Variants in PPM1K observed in about 807,000 individuals in gnomAD.
PPM1K encodes protein phosphatase Mn(2+)-dependent 1K.
PPM1K carries 19 observed loss-of-function variants against 32.6 expected under a neutral mutation model. The observed-to-expected ratio is 0.58, with a 90% CI of 0.41 to 0.86. PPM1K has a LOEUF of 0.86. PPM1K is among the 40% of genes least tolerant of loss of function. PPM1K has a pLI of 0.00. For synonymous variants in PPM1K, 159 were observed against 165.3 expected, an observed-to-expected ratio of 0.96 and a Z score of 0.29; for missense variants, 362 against 461.2, an observed-to-expected ratio of 0.78 and a Z score of 1.97.
intron 1 of PPM1K, chr4:88,279,174 A>G (rs1196750687): frequency 6.6e-6 from 1 of 152,336 alleles, no homozygotes; most frequent in African/African-American, 2.4e-5. Flanking sequence ...AAATATTAAC[A>G]ATAGCAACAA....
At chr4:88,264,592 C>T (rs373075799) in intron 6 of PPM1K, among the ~76,000 whole-genome samples, 1 of 152,188 alleles carries the variant, frequency 6.6e-6, no homozygotes, top group Non-Finnish European at 1.5e-5. Context: ...ACTCTGTAGC[C>T]TCTGTACCTG....
At chr4:88,275,361 T>A in intron 3 of PPM1K, 6 of 976,566 alleles carry the variant, frequency 6.1e-6, no homozygotes, top group Non-Finnish European at 7.3e-6. Context: ...AATGTTTTTG[T>A]GACAAAGGTA....
chr4:88,278,057 T>G lies in PPM1K; in HGVS notation c.440+87A>C. ...CATGCAACCACTCAAGTAACTATGT[T>G]TACGCTGGAAGCCTCAGCCAAAGGG... On this transcript the variant is annotated intron_variant, in intron 2 of 6. Coordinates refer to ENST00000608933, the MANE Select transcript of PPM1K (RefSeq NM_152542.5). This position sits in a 1 kb window ranked among gnomAD's most constrained non-coding sequence, Gnocchi z 4.2. The G allele has an allele frequency of 9.0e-7, 1 of 1,105,460 alleles. No homozygotes were observed. The highest frequency in any genetic ancestry group is 1.3e-6 in the Non-Finnish European group (1 of 765,158). 68.5% of individuals were successfully genotyped at this position (1,105,460 alleles called of 1,614,324 possible).
rs758629517 is a variant in PPM1K, at chr4:88,257,652, T to C, written c.*4943A>G. ...ATGCATGTACTTTATTAGAATGATA[T>C]TTTGAACACTGAGATAATGTGATTT... On this transcript the variant is annotated 3_prime_UTR_variant, in exon 7 of 7. Coordinates refer to ENST00000608933, the MANE Select transcript of PPM1K (RefSeq NM_152542.5). 1 of 152,214 alleles carries C rather than the reference T, an allele frequency of 6.6e-6. No homozygotes were observed. The highest frequency in any genetic ancestry group is 1.5e-5 in the Non-Finnish European group (1 of 68,030). The allele number at this position is 152,214 out of a possible 1,614,324, so 9.4% of individuals were successfully genotyped here.
rs1046594423 is a variant in PPM1K at position 88,262,304 on chromosome 4, C to G, written c.*291G>C. 2.0e-5 allele frequency: 4 copies of G among 202,850 alleles called. No homozygotes were observed. The highest frequency in any genetic ancestry group is 5.9e-5 in the Admixed American group (1 of 17,008). The allele number at this position is 202,850 out of a possible 1,614,324, so 12.6% of individuals were successfully genotyped here. On this transcript the variant is annotated 3_prime_UTR_variant, in exon 7 of 7. Transcript: ENST00000608933. The stretch of plus-strand genomic sequence containing the variant: ...AAGAAACCCATAGCTGCCTAAGAGT[C>G]TTAAAAATTATTAATGTGACACTCT...
In PPM1K at chr4:88,268,336, T is replaced by C; in HGVS notation, c.708-2A>G. 6.2e-7 allele frequency: 1 copy of C among 1,614,192 alleles called. No homozygotes were observed. Among genetic ancestry groups the C allele is most frequent in the Non-Finnish European group, 8.5e-7 (1 of 1,180,022 alleles). On this transcript the variant is annotated splice_acceptor_variant, in intron 4 of 6. Transcript: ENST00000608933. LOFTEE classifies it high-confidence loss of function. ...ACAAAACCACCACATTTCTTGATCC[T>C]GTTAAAAGTTAAATGACAATGGTGT...
chr4:88,269,810 T>C (rs1294162299), intron 3 of PPM1K, among the ~76,000 whole-genome samples: 2 of 152,254 alleles, frequency 1.3e-5, no homozygotes, highest in African/African-American at 4.8e-5. Context: ...GTTACTGGGC[T>C]TGAGGTCACC....
rs547383034 is a variant in PPM1K at position 88,264,201 on chromosome 4, C to T, written c.987+800G>A. Among the ~76,000 whole-genome samples the T allele has an allele frequency of 3.3e-5, 5 of 152,264 alleles. No homozygotes were observed. The South Asian group carries it at 1.0e-3, about 32-fold the overall frequency. On this transcript the variant is annotated intron_variant, in intron 6 of 6. Coordinates refer to ENST00000608933, the MANE Select transcript of PPM1K (RefSeq NM_152542.5). ...ATATATTATAATCATGTTTGCCCAT[C>T]TAAGCAAATAATACTTTTAAAGTAA...
chr4:88,276,509 T>C, intron 3 of PPM1K: 1 of 985,384 alleles, frequency 1.0e-6, no homozygotes, highest in Non-Finnish European at 1.2e-6. Flanking sequence ...TTTCAAAATT[T>C]AAGGACATAC....
intron 5 of PPM1K, among the ~76,000 whole-genome samples, chr4:88,266,793 TG>T: frequency 6.7e-6 from 1 of 148,942 alleles, no homozygotes; most frequent in Non-Finnish European, 1.5e-5. Flanking sequence ...CAGGTGATGC[TG>T]GATGACTGGG....
Position 88,262,681 on chromosome 4 carries a change from G to A in PPM1K, c.1033C>T (p.Pro345Ser), listed in dbSNP as rs765145572. ...TTATATTTTCCCCAGGCACCAAAAG[G>A]CACTACTACTGCAGTACTGTTATCC... ...TEDNSTAVVV[P>S]FGAWGKYKNS... is the part of the protein sequence containing the mutation. The change falls in exon 7 of 7, where the codon CCT (proline) becomes TCT (serine). Residue 345 changes from proline (P) to serine (S), a missense_variant. Physicochemically the swap from Pro to Ser is moderately conservative, Grantham distance 74. Coordinates refer to ENST00000608933, the MANE Select transcript of PPM1K (RefSeq NM_152542.5). The A allele has an allele frequency of 6.8e-6, 11 of 1,614,022 alleles. No individual in the cohort carries two copies. In the South Asian group the frequency reaches 1.1e-4, roughly 16 times the overall value.
intron 3 of PPM1K, chr4:88,276,449 T>C: frequency 1.0e-6 from 1 of 985,432 alleles, no homozygotes; most frequent in Non-Finnish European, 1.2e-6. Context: ...GTTTGCTGAA[T>C]TTTCGTGAAA....
intron 1 of PPM1K, among the ~76,000 whole-genome samples, chr4:88,281,471 T>A (rs1026006767): frequency 5.9e-5 from 9 of 152,184 alleles, no homozygotes; most frequent in African/African-American, 2.2e-4. Context: ...ATTGAGCAGT[T>A]TCTGTAAGGC....
rs1322643820 is a variant in PPM1K, at chr4:88,259,537, C to T, written c.*3058G>A. ...GTAATTTACACTATGCCTATACCCA[C>T]ATGGCAAATTCAGTTATAACTGAAA... On this transcript the variant is annotated 3_prime_UTR_variant, in exon 7 of 7. Transcript: ENST00000608933. 3 of 152,158 alleles carry T rather than the reference C, an allele frequency of 2.0e-5. No homozygotes were observed. The highest frequency in any genetic ancestry group is 4.4e-5 in the Non-Finnish European group (3 of 68,038). The allele number at this position is 152,158 out of a possible 1,614,324, so 9.4% of individuals were successfully genotyped here.
chr4:88,282,150 G>T (rs1039685206), intron 1 of PPM1K, among the ~76,000 whole-genome samples: 5 of 152,168 alleles, frequency 3.3e-5, no homozygotes, highest in African/African-American at 1.2e-4. Context: ...TCAATTTTTT[G>T]ATCGGAAAAC....
intron 3 of PPM1K, chr4:88,276,693 C>T: frequency 1.0e-6 from 1 of 984,054 alleles, no homozygotes; most frequent in African/African-American, 1.8e-5. Flanking sequence ...GACCTATTTG[C>T]AATTTTTTTC....
At chr4:88,274,290 A>C (rs1731678117) in intron 3 of PPM1K, among the ~76,000 whole-genome samples, 1 of 152,230 alleles carries the variant, frequency 6.6e-6, no homozygotes, top group African/African-American at 2.4e-5. Context: ...CAGGAGTGAC[A>C]GCTCATTAAA....
chr4:88,259,586 T>C lies in PPM1K; in HGVS notation c.*3009A>G, dbSNP rs745551804. On this transcript the variant is annotated 3_prime_UTR_variant, in exon 7 of 7. Transcript: ENST00000608933. ...AAAACTAGAGCAGTCCCTTTTTTTT[T>C]ACTATGATTTGCATATTTTCCAGTA... 1.3e-5 allele frequency: 2 copies of C among 152,190 alleles called. No individual in the cohort carries two copies. The highest frequency in any genetic ancestry group is 6.5e-5 in the Admixed American group (1 of 15,280). 9.4% of individuals were successfully genotyped at this position (152,190 alleles called of 1,614,324 possible).
chr4:88,276,851 T>A, intron 3 of PPM1K: 2 of 1,026,780 alleles, frequency 1.9e-6, no homozygotes, highest in Non-Finnish European at 2.4e-6. Flanking sequence ...GCAAACAGAT[T>A]AAACATTTTT....
Sources: gnomAD v4.1 joint callset for allele counts (sites outside exome capture counted in the v4.1 genomes callset) on GRCh38, gnomAD v4.1.1 for gene constraint, Gnocchi (gnomAD v3.1) non-coding constraint, MANE v1.5 for transcripts, NCBI Gene and HGNC (gene_info 2026-07-23, HGNC 2026-07-21) for gene names.